DRAM1: variants seen among roughly 807,000 people sequenced by gnomAD.
The protein encoded by DRAM1 is DNA damage regulated autophagy modulator 1.
A neutral mutation model predicts 28.5 loss-of-function variants in DRAM1; 25 were observed. The observed-to-expected ratio is 0.88, with a 90% CI of 0.64 to 1.23. The LOEUF is 1.23. Ranked by LOEUF, DRAM1 falls within the 50% of genes most tolerant of loss-of-function variation. The pLI, the probability that DRAM1 is intolerant of heterozygous loss-of-function variation, is 0.00. For synonymous variants in DRAM1, 113 were observed against 114.2 expected (o/e 0.99, Z 0.07); for missense variants, 249 against 299.2 (o/e 0.83, Z 1.24).
Position 101,895,566 on chromosome 12 carries a change from A to ATTTTTGGTTTTTTTTTTT in DRAM1, c.132-2292_132-2291insGGTTTTTTTTTTTTTTTT, listed in dbSNP as rs61325494. 6.8e-5 allele frequency among the ~76,000 whole-genome samples: 7 copies of ATTTTTGGTTTTTTTTTTT among 103,420 alleles called. 1 individual carries two copies. Among genetic ancestry groups the ATTTTTGGTTTTTTTTTTT allele is most frequent in the Admixed American group, 1.2e-4 (1 of 8,586 alleles). 67.8% of individuals were successfully genotyped at this position (103,420 alleles called of 152,430 possible). On this transcript the variant is annotated intron_variant, in intron 1 of 6. Transcript: ENST00000258534. ...AAAGGCATTTGCTGTAAGGGAGGCT[A>ATTTTTGGTTTTTTTTTTT]TTTTTTTTTTTTTTTTTTTTTTGAG...
Position 101,908,230 on chromosome 12 carries a change from C to A in DRAM1, c.387C>A (p.Ala129=). 1.2e-6 allele frequency: 2 copies of A among 1,613,424 alleles called. No homozygotes were observed. The highest frequency in any genetic ancestry group is 1.7e-6 in the Non-Finnish European group (2 of 1,179,852). Residue 129 remains alanine, a synonymous_variant, in exon 4 of 7, where the codon GCC becomes GCA. Coordinates refer to ENST00000258534, the MANE Select transcript of DRAM1 (RefSeq NM_018370.3). ...TTCATGACGGGGGCGCTCTTTTGGC[C>A]TTTGTCTGTGGTGTCGTGTACACGC... ...PVVHDGGALL[A]FVCGVVYTLL...
chr12:101,916,552 A>G (rs748968236), intron 5 of DRAM1, among the ~76,000 whole-genome samples: 1 of 152,178 alleles, frequency 6.6e-6, no homozygotes, highest in Non-Finnish European at 1.5e-5. Context: ...AATGTTTGAC[A>G]TTGAGATCAA....
At chr12:101,904,715 A>G (rs139061092) in intron 3 of DRAM1, among the ~76,000 whole-genome samples, 2,076 of 152,132 alleles carry the variant, frequency 0.014, 46 homozygotes, top group African/African-American at 0.048. Context: ...TGCTGGGATT[A>G]CAGGCGTGAG....
At chr12:101,918,078 C>T (rs1874326941) in intron 5 of DRAM1, among the ~76,000 whole-genome samples, 1 of 152,092 alleles carries the variant, frequency 6.6e-6, no homozygotes, top group Non-Finnish European at 1.5e-5. Context: ...TCTTGCATTT[C>T]CTTCTGTTCC....
chr12:101,920,574 CACTT>C lies in DRAM1; in HGVS notation c.672+377_672+380del, dbSNP rs370765082. 5.7e-4 allele frequency among the ~76,000 whole-genome samples: 87 copies of C among 152,192 alleles called. 1 individual carries two copies. The East Asian group carries it at 0.013, about 22-fold the overall frequency. ...CTGGTTGTTTTCTTTTAGGAGGTCT[CACTT>C]ACTAGTTCCAAATAATACAAAGTAA... On this transcript the variant is annotated intron_variant, in intron 6 of 6. Transcript: ENST00000258534.
intron 5 of DRAM1, among the ~76,000 whole-genome samples, chr12:101,915,244 G>C (rs1440849215): frequency 6.6e-6 from 1 of 152,130 alleles, no homozygotes; most frequent in Non-Finnish European, 1.5e-5. Context: ...CTCCCAAAAT[G>C]CTGGGATTAC....
At chr12:101,903,531 TGAG>T (rs1256384414) in intron 3 of DRAM1, among the ~76,000 whole-genome samples, 4 of 152,058 alleles carry the variant, frequency 2.6e-5, no homozygotes, top group Non-Finnish European at 4.4e-5. Context: ...AAGAGGAAGA[TGAG>T]GAGCGGGGAG....
chr12:101,882,408 C>T (rs1872722351), intron 1 of DRAM1, among the ~76,000 whole-genome samples: 1 of 151,122 alleles, frequency 6.6e-6, no homozygotes, highest in African/African-American at 2.4e-5. Flanking sequence ...CCGCGCCCGG[C>T]CCCTGATGGT....
rs201266155 is a variant in DRAM1 at position 101,921,265 on chromosome 12, A to G, written c.*5A>G. On this transcript the variant is annotated 3_prime_UTR_variant, in exon 7 of 7. Coordinates refer to ENST00000258534, the MANE Select transcript of DRAM1 (RefSeq NM_018370.3). ...GAAATCAATGGTGATATTTGAAGAA[A>G]GAAGAATTCAGTCTCACTCAGTGAA... is the stretch of plus-strand genomic sequence containing the variant. The G allele has an allele frequency of 1.2e-6, 2 of 1,605,238 alleles. No homozygotes were observed. The highest frequency in any genetic ancestry group is 1.7e-5 in the Admixed American group (1 of 59,984).
At chr12:101,891,759 G>T (rs1314893290) in intron 1 of DRAM1, among the ~76,000 whole-genome samples, 1 of 152,218 alleles carries the variant, frequency 6.6e-6, no homozygotes, top group Non-Finnish European at 1.5e-5. Flanking sequence ...TAGCAAGGAG[G>T]CAAATCAGGT....
intron 4 of DRAM1, among the ~76,000 whole-genome samples, chr12:101,912,492 G>C (rs1255240551): frequency 6.6e-6 from 1 of 152,154 alleles, no homozygotes. Flanking sequence ...AGACCAGAAT[G>C]GTACCTGGTG....
chr12:101,903,107 T>C (rs2121106176), intron 3 of DRAM1, among the ~76,000 whole-genome samples: 1 of 152,144 alleles, frequency 6.6e-6, no homozygotes, highest in African/African-American at 2.4e-5. Flanking sequence ...TTAGTAGAGA[T>C]AGGGTTTCCC....
At chr12:101,912,433 T>C (rs1286673746) in intron 4 of DRAM1, among the ~76,000 whole-genome samples, 2 of 152,148 alleles carry the variant, frequency 1.3e-5, no homozygotes, top group East Asian at 1.9e-4. Context: ...TCCAACAAAG[T>C]TGTGATATTT....
chr12:101,918,057 G>T (rs1457909043), intron 5 of DRAM1, among the ~76,000 whole-genome samples: 1 of 152,192 alleles, frequency 6.6e-6, no homozygotes, highest in East Asian at 1.9e-4. Context: ...CTCCATAAAT[G>T]ACTGCGCCAC....
chr12:101,898,835 T>C (rs1244900171), intron 2 of DRAM1, among the ~76,000 whole-genome samples: 8 of 152,314 alleles, frequency 5.3e-5, no homozygotes, highest in African/African-American at 1.9e-4. Context: ...TTTCAGTTCC[T>C]CAGATGTACC....
chr12:101,892,423 TTTG>T (rs199738854), intron 1 of DRAM1, among the ~76,000 whole-genome samples: 63,505 of 135,448 alleles, frequency 0.47, 14,549 homozygotes, highest in East Asian at 0.89. Flanking sequence ...TTTTTTTTTT[TTTG>T]TATTTTTAGT....
At chr12:101,882,148 T>TCGCTCTGTCA (rs1397069698) in intron 1 of DRAM1, among the ~76,000 whole-genome samples, 1 of 143,466 alleles carries the variant, frequency 7.0e-6, no homozygotes, top group Non-Finnish European at 1.5e-5. Flanking sequence ...AGACGGAGTT[T>TCGCTCTGTCA]CCCAGGCTGG....
Position 101,921,505 on chromosome 12 carries a change from C to A in DRAM1, c.*245C>A. ...TTCTAAGTAGATTTTTTTATATTAA[C>A]AAATTCATATACAGAAAAAATAAGG... is the stretch of plus-strand genomic sequence containing the variant. On this transcript the variant is annotated 3_prime_UTR_variant, in exon 7 of 7. Coordinates refer to ENST00000258534, the MANE Select transcript of DRAM1 (RefSeq NM_018370.3). The A allele has an allele frequency of 5.9e-6, 2 of 337,484 alleles. No homozygotes were observed. The highest frequency in any genetic ancestry group is 8.4e-5 in the South Asian group (1 of 11,914). The allele number at this position is 337,484 out of a possible 1,614,324, so 20.9% of individuals were successfully genotyped here.
chr12:101,877,735 A>C lies in DRAM1; in HGVS notation c.-55A>C. 7.4e-7 allele frequency: 1 copy of C among 1,347,728 alleles called. No individual in the cohort carries two copies. The highest frequency in any genetic ancestry group is 9.6e-7 in the Non-Finnish European group (1 of 1,045,690). 83.5% of individuals were successfully genotyped at this position (1,347,728 alleles called of 1,614,324 possible). On this transcript the variant is annotated 5_prime_UTR_variant, in exon 1 of 7. Coordinates refer to ENST00000258534, the MANE Select transcript of DRAM1 (RefSeq NM_018370.3). The surrounding 1 kb of genome is among the most constrained non-coding windows in gnomAD (Gnocchi z 4.1). ...CGCCGCCTCCAGGCAGCCCGGAGCA[A>C]CCCGGCGCCCGGCCCCGCTGGGCGC... is the stretch of plus-strand genomic sequence containing the variant.
Sources: gnomAD v4.1 joint callset for allele counts (sites outside exome capture counted in the v4.1 genomes callset) on GRCh38, gnomAD v4.1.1 for gene constraint, Gnocchi (gnomAD v3.1) non-coding constraint, MANE v1.5 for transcripts, NCBI Gene and HGNC (gene_info 2026-07-23, HGNC 2026-07-21) for gene names.